The following MRGPRX1 variants were observed in gnomAD, a reference collection of about 807,000 sequenced individuals.
MRGPRX1 encodes mas-related G protein-coupled receptor member X1.
For synonymous variants in MRGPRX1, 208 were observed against 170.4 expected (o/e 1.22, Z -1.72); for missense variants, 411 against 393.8 (o/e 1.04, Z -0.37).
At chr11:18,935,126 CAG>C (rs1420217939) in intron 1 of MRGPRX1, 8 of 234,496 alleles carry the variant, frequency 3.4e-5, no homozygotes, top group African/African-American at 4.5e-5. Context: ...AATTTTCTCT[CAG>C]GGGGAGGAAT....
rs555040190 is a variant in MRGPRX1 at position 18,938,965 on chromosome 11, A to C, written c.-26+315T>G. Among the ~76,000 whole-genome samples, 173 of 151,704 alleles carry C rather than the reference A, an allele frequency of 1.1e-3. 3 individuals are homozygous for C. Among genetic ancestry groups the C allele is most frequent in the African/African-American group, 4.0e-3 (165 of 41,446 alleles). ...CAAAACCTGCTTCTACAGCAGTTCA[A>C]CTCTGTGAAGCAATGCTTGCATGTC... On this transcript the variant is annotated intron_variant, in intron 1 of 1. Coordinates refer to ENST00000526914, the MANE Select transcript of MRGPRX1 (RefSeq NM_001393578.1).
At chr11:18,938,488 G>T (rs1848858099) in intron 1 of MRGPRX1, among the ~76,000 whole-genome samples, 1 of 151,474 alleles carries the variant, frequency 6.6e-6, no homozygotes, top group Non-Finnish European at 1.5e-5. Context: ...AAGGGGGATA[G>T]TGTTAAGCCA....
At chr11:18,936,305 A>C (rs1209646972) in intron 1 of MRGPRX1, among the ~76,000 whole-genome samples, 3 of 151,248 alleles carry the variant, frequency 2.0e-5, no homozygotes, top group African/African-American at 4.9e-5. Flanking sequence ...GTTGAAAAAA[A>C]AAAAAACTAA....
rs147529961 is a variant in MRGPRX1, at chr11:18,934,659, C to G, written c.126G>C (p.Leu42=). 1 of 1,610,776 alleles carries G rather than the reference C, an allele frequency of 6.2e-7. No individual in the cohort carries two copies. Among genetic ancestry groups the G allele is most frequent in the Non-Finnish European group, 8.5e-7 (1 of 1,178,156 alleles). Residue 42 remains leucine (L), a synonymous_variant, in exon 2 of 2, where the codon CTG becomes CTC. Transcript: ENST00000526914. Reference sequence around the variant, plus strand: ...GCCAGAGCACAACTGCGTTTCCTGTCAGCCCGACAAGGGAAACGATGCACG... The same window carrying G: ...GCCAGAGCACAACTGCGTTTCCTGTGAGCCCGACAAGGGAAACGATGCACG... ...VLTCIVSLVG[L]TGNAVVLWLL... is the part of the protein sequence containing the mutation.
chr11:18,933,737 A>G lies in MRGPRX1; in HGVS notation c.*79T>C. Reference sequence around the variant, plus strand: ...GAGACATTTCTGAGGCAGAAGGCTAAGAAAAACGCATATAATTGTCAAGGG... The same window carrying G: ...GAGACATTTCTGAGGCAGAAGGCTAGGAAAAACGCATATAATTGTCAAGGG... On this transcript the variant is annotated 3_prime_UTR_variant, in exon 2 of 2. Transcript: ENST00000526914. 1.3e-6 allele frequency: 2 copies of G among 1,515,108 alleles called. No homozygotes were observed. Among genetic ancestry groups the G allele is most frequent in the Non-Finnish European group, 8.8e-7 (1 of 1,131,930 alleles). 93.9% of individuals were successfully genotyped at this position (1,515,108 alleles called of 1,614,324 possible).
intron 1 of MRGPRX1, among the ~76,000 whole-genome samples, chr11:18,937,560 G>A (rs1461886274): frequency 6.6e-6 from 1 of 151,508 alleles, no homozygotes; most frequent in Non-Finnish European, 1.5e-5. Context: ...TGCCATGTAA[G>A]TTCTTGTTTT....
Position 18,933,577 on chromosome 11 carries a change from G to A in MRGPRX1, c.*239C>T, listed in dbSNP as rs1205740904. Among the ~76,000 whole-genome samples the A allele has an allele frequency of 1.3e-5, 2 of 151,488 alleles. No homozygotes were observed. The highest frequency in any genetic ancestry group is 2.9e-5 in the Non-Finnish European group (2 of 67,820). ...GTGTTCTGTAGGAAAGATTCAGTGT[G>A]AGATAACAGGGAAAATGTGTTGGTA... On this transcript the variant is annotated 3_prime_UTR_variant, in exon 2 of 2. Transcript: ENST00000526914.
In MRGPRX1 at chr11:18,939,390, G is replaced by T. The variant is rs1417150135; in HGVS notation, c.-136C>A. On this transcript the variant is annotated 5_prime_UTR_variant, in exon 1 of 2. It adds an upstream start codon to the 5' untranslated region. Transcript: ENST00000526914. ...GAACCCTTCTGTGTTGCTTAATTCA[G>T]GAGATGCATACAGGAGCTGGAGTCA... is the stretch of plus-strand genomic sequence containing the variant. 6.6e-6 allele frequency: 1 copy of T among 151,822 alleles called. No homozygotes were observed. Among genetic ancestry groups the T allele is most frequent in the Non-Finnish European group, 1.5e-5 (1 of 68,058 alleles). The allele number at this position is 151,822 out of a possible 1,614,324, so 9.4% of individuals were successfully genotyped here.
In MRGPRX1 at chr11:18,934,624, C is replaced by A. The variant is rs747131576; in HGVS notation, c.161G>T (p.Cys54Phe). ...GNAVVLWLLG[C>F]RMRRNAFSIY... ...GGAGAAGGCGTTCCTGCGCATGCGG[C>A]AGCCCAGGAGCCAGAGCACAACTGC... The change falls in exon 2 of 2, where the codon TGC becomes TTC. Residue 54 changes from cysteine to phenylalanine, a missense_variant. Coordinates refer to ENST00000526914, the MANE Select transcript of MRGPRX1 (RefSeq NM_001393578.1). 16 of 1,610,384 alleles carry A rather than the reference C, an allele frequency of 9.9e-6. No homozygotes were observed. The highest frequency in any genetic ancestry group is 8.0e-5 in the African/African-American group (6 of 74,718).
Position 18,934,757 on chromosome 11 carries a change from T to A in MRGPRX1, c.28A>T (p.Thr10Ser), listed in dbSNP as rs765683741. 1 of 1,590,290 alleles carries A rather than the reference T, an allele frequency of 6.3e-7. No homozygotes were observed. Among genetic ancestry groups the A allele is most frequent in the Admixed American group, 1.8e-5 (1 of 56,866 alleles). The change falls in exon 2 of 2, where the codon ACA (threonine) becomes TCA (serine). Residue 10 changes from threonine (T) to serine (S), a missense_variant. Coordinates refer to ENST00000526914, the MANE Select transcript of MRGPRX1 (RefSeq NM_001393578.1). MDPTISTLDTELTPINGTEE... is the reference protein window; with the variant it reads MDPTISTLDSELTPINGTEE... ...GTTCCGTTGATTGGTGTCAGTTCTG[T>A]GTCCAAGGTTGAGATGGTTGGATCC...
Position 18,934,415 on chromosome 11 carries a change from C to A in MRGPRX1, c.370G>T (p.Val124Phe). ...SAVSTERCLS[V>F]LWPIWYRCHR... ...CAGCGGTACCAGATGGGCCACAGGA[C>A]GGACAGGCAGCGCTCGGTGCTCACG... Residue 124 changes from valine to phenylalanine, a missense_variant, in exon 2 of 2, where the codon GTC becomes TTC. By Grantham distance (50) the Val-to-Phe change is conservative. Transcript: ENST00000526914. 1 of 1,610,720 alleles carries A rather than the reference C, an allele frequency of 6.2e-7. No homozygotes were observed. Among genetic ancestry groups the A allele is most frequent in the Non-Finnish European group, 8.5e-7 (1 of 1,178,114 alleles).
chr11:18,936,235 A>C (rs1347015695), intron 1 of MRGPRX1, among the ~76,000 whole-genome samples: 4 of 150,874 alleles, frequency 2.7e-5, no homozygotes, highest in African/African-American at 9.7e-5. Flanking sequence ...TACATGTTAG[A>C]GCGGGTAAAG....
At chr11:18,936,667 A>G (rs1220703630) in intron 1 of MRGPRX1, among the ~76,000 whole-genome samples, 4 of 151,488 alleles carry the variant, frequency 2.6e-5, no homozygotes, top group African/African-American at 7.3e-5. Context: ...TATTTAGGGT[A>G]ATGGTGTGTT....
At chr11:18,939,096 C>A (rs758694963) in intron 1 of MRGPRX1, among the ~76,000 whole-genome samples, 184 bp downstream of exon 1, 2 of 151,334 alleles carry the variant, frequency 1.3e-5, no homozygotes, top group Non-Finnish European at 3.0e-5. Context: ...AATGGGGGGA[C>A]TCCAGTTGAA....
At chr11:18,936,148 A>C (rs1848838867) in intron 1 of MRGPRX1, among the ~76,000 whole-genome samples, 1 of 151,428 alleles carries the variant, frequency 6.6e-6, no homozygotes. Context: ...TATAGTATGA[A>C]TTTGAGCCCA....
In MRGPRX1 at chr11:18,934,805, T is replaced by G. The variant is rs1564973891; in HGVS notation, c.-21A>C. On this transcript the variant is annotated 5_prime_UTR_variant, in exon 2 of 2. Transcript: ENST00000526914. ...TCCATGCTCAGAAACCCTAGTCTGG[T>G]GACCCTGGAAACAGAAACCAGTTGT... The G allele has an allele frequency of 6.5e-7, 1 of 1,540,252 alleles. No homozygotes were observed.
At chr11:18,934,949 G>C in intron 1 of MRGPRX1, 140 bp from the exon 2 acceptor site, 7 of 989,178 alleles carry the variant, frequency 7.1e-6, no homozygotes, top group Non-Finnish European at 1.0e-5. Context: ...CAAAAGGTGG[G>C]GGTCCTCAAA....
At position 18,934,331 on chromosome 11, in the gene MRGPRX1, G is replaced by T. The variant is rs765418718; in HGVS notation, c.454C>A (p.Leu152Met). The T allele has an allele frequency of 1.9e-6, 3 of 1,610,858 alleles. 1 individual carries two copies. The East Asian group carries it at 6.7e-5, about 36-fold the overall frequency. Residue 152 changes from leucine (L) to methionine (M), a missense_variant, in exon 2 of 2, where the codon CTG becomes ATG. Leu to Met is a conservative substitution (Grantham distance 15, BLOSUM62 2). Coordinates refer to ENST00000526914, the MANE Select transcript of MRGPRX1 (RefSeq NM_001393578.1). Reference protein sequence around the residue: ...VCVLLWALSLLRSILEWMLCG... With the variant: ...VCVLLWALSLMRSILEWMLCG... ...AACATCCACTCCAGGATGCTCCGCA[G>T]CAGGGACAGGGCCCAGAGCAGGACA...
rs780207633 is a variant in MRGPRX1 at position 18,934,028 on chromosome 11, C to T, written c.757G>A (p.Val253Ile). The T allele has an allele frequency of 6.2e-7, 1 of 1,610,850 alleles. No individual in the cohort carries two copies. Among genetic ancestry groups the T allele is most frequent in the East Asian group, 2.2e-5 (1 of 44,796 alleles). The part of the protein sequence containing the change: ...HVDREVLFCH[V>I]HLVSIFLSAL... ...GACAGGAAAATAGAAACTAGATGAACATGACAAAATAAGACTTCCCTGTCC... is the reference window on the plus strand; with the variant it reads ...GACAGGAAAATAGAAACTAGATGAATATGACAAAATAAGACTTCCCTGTCC... Residue 253 changes from valine to isoleucine, a missense_variant, in exon 2 of 2, where the codon GTT becomes ATT. Val to Ile is a conservative substitution (Grantham distance 29). Coordinates refer to ENST00000526914, the MANE Select transcript of MRGPRX1 (RefSeq NM_001393578.1).
Sources: allele counts gnomAD v4.1 joint callset (sites outside exome capture counted in the v4.1 genomes callset), GRCh38; gene constraint gnomAD v4.1.1; transcripts MANE v1.5; gene names NCBI Gene and HGNC (gene_info 2026-07-23, HGNC 2026-07-21).